Variants in XRCC5 observed in about 807,000 individuals in gnomAD.
XRCC5 encodes X-ray repair cross complementing 5, also known as DNA repair protein Ku80.
A neutral mutation model predicts 95.7 loss-of-function variants in XRCC5; 12 were observed. That is an observed-to-expected ratio of 0.13 (90% CI 0.08 to 0.20). The LOEUF (loss-of-function observed/expected upper bound fraction) is 0.20. Ranked by LOEUF, XRCC5 falls within the 10% of genes least tolerant of loss-of-function variation. The pLI, the probability that XRCC5 is intolerant of heterozygous loss-of-function variation, is 1.00. For missense variants in XRCC5, 595 were observed against 873.9 expected, an observed-to-expected ratio of 0.68 and a Z score of 4.02; for synonymous variants, 281 against 290.3, an observed-to-expected ratio of 0.97 and a Z score of 0.33.
At position 216,161,972 on chromosome 2, in the gene XRCC5, A is replaced by C. The variant is rs543422874; in HGVS notation, c.1765-7A>C. ...CTGTAGGTTTATCATCTGTTGGTAT[A>C]TTTTAGGTTGGAAGTGTGAATCCTG... On this transcript the variant is annotated splice_region_variant and splice_polypyrimidine_tract_variant and intron_variant, in intron 15 of 20. Transcript: ENST00000392132. 1 of 1,613,656 alleles carries C rather than the reference A, an allele frequency of 6.2e-7. No individual in the cohort carries two copies. The highest frequency in any genetic ancestry group is 1.1e-5 in the South Asian group (1 of 91,072).
At chr2:216,181,562 C>G (rs967459414) in intron 16 of XRCC5, among the ~76,000 whole-genome samples, 4 of 152,130 alleles carry the variant, frequency 2.6e-5, no homozygotes, top group African/African-American at 9.7e-5. Flanking sequence ...TTATCTTTAC[C>G]CCCAAATCCT....
chr2:216,202,499 G>C (rs1445919585), intron 19 of XRCC5, among the ~76,000 whole-genome samples: 1 of 152,162 alleles, frequency 6.6e-6, no homozygotes, highest in African/African-American at 2.4e-5. Flanking sequence ...TTGGCTGTCA[G>C]ATATCTTTAT....
chr2:216,190,120 A>G (rs1559262154), intron 16 of XRCC5, 105 bp from the exon 17 acceptor site: 1 of 846,600 alleles, frequency 1.2e-6, no homozygotes, highest in Non-Finnish European at 1.8e-6. Context: ...CTTGCTGACC[A>G]TGAGGCTTGT....
intron 16 of XRCC5, among the ~76,000 whole-genome samples, chr2:216,181,536 A>G (rs992985755): frequency 6.6e-6 from 1 of 152,138 alleles, no homozygotes; most frequent in Non-Finnish European, 1.5e-5. Context: ...TAACTCTTTT[A>G]AAAAAATGGC....
intron 15 of XRCC5, among the ~76,000 whole-genome samples, chr2:216,160,605 C>A (rs1238310686): frequency 1.3e-5 from 2 of 151,876 alleles, no homozygotes; most frequent in Non-Finnish European, 2.9e-5. Flanking sequence ...AAGAATGTAT[C>A]CTTTGATACA....
intron 14 of XRCC5, among the ~76,000 whole-genome samples, chr2:216,152,775 A>G (rs1688769211): frequency 6.6e-6 from 1 of 151,406 alleles, no homozygotes; most frequent in Non-Finnish European, 1.5e-5. Context: ...TCCCAACTTG[A>G]GGATCCTCAG....
intron 16 of XRCC5, among the ~76,000 whole-genome samples, chr2:216,179,901 C>T (rs761029307): frequency 2.0e-5 from 3 of 152,264 alleles, no homozygotes; most frequent in Non-Finnish European, 2.9e-5. Flanking sequence ...TAGAAGGCTT[C>T]GGCGTTAATC....
chr2:216,185,371 C>T lies in XRCC5; in HGVS notation c.1835-4854C>T, dbSNP rs1409852620. ...ATAGTAAAGAGGCATAAAGAAAGCC[C>T]GCTTTTGATACGTTTCTTAAATTGC... On this transcript the variant is annotated intron_variant, in intron 16 of 20. Coordinates refer to ENST00000392132, the MANE Select transcript of XRCC5 (RefSeq NM_021141.4). 2.0e-5 allele frequency among the ~76,000 whole-genome samples: 3 copies of T among 152,146 alleles called. No homozygotes were observed. The South Asian group carries it at 6.2e-4, about 32-fold the overall frequency.
chr2:216,202,444 T>C lies in XRCC5; in HGVS notation c.2110-1878T>C, dbSNP rs369132078. Among the ~76,000 whole-genome samples, 306 of 152,284 alleles carry C rather than the reference T, an allele frequency of 2.0e-3. 16 individuals are homozygous for C. The South Asian group carries it at 0.059, about 29-fold the overall frequency. ...AGTTTATTTAACCTTTACAGATAAA[T>C]CATATGCTAGTAAATGTATAGATTT... On this transcript the variant is annotated intron_variant, in intron 19 of 20. Transcript: ENST00000392132.
chr2:216,153,328 TC>T (rs1688780261), intron 14 of XRCC5, among the ~76,000 whole-genome samples: 1 of 152,220 alleles, frequency 6.6e-6, no homozygotes, highest in South Asian at 2.1e-4. Flanking sequence ...CTTTGGCAGC[TC>T]CCTCTCAGAT....
intron 19 of XRCC5, among the ~76,000 whole-genome samples, chr2:216,202,265 A>G (rs1029761356): frequency 6.6e-6 from 1 of 152,204 alleles, no homozygotes; most frequent in Admixed American, 6.5e-5. Flanking sequence ...CCCCAACTGG[A>G]TAAGTCTTAT....
chr2:216,183,118 A>G (rs1689418936), intron 16 of XRCC5, among the ~76,000 whole-genome samples: 1 of 152,242 alleles, frequency 6.6e-6, no homozygotes, highest in South Asian at 2.1e-4. Context: ...GTTAGCTCCC[A>G]CTACCATATT....
intron 15 of XRCC5, among the ~76,000 whole-genome samples, chr2:216,161,282 A>C (rs556346250): frequency 6.6e-6 from 1 of 152,130 alleles, no homozygotes; most frequent in South Asian, 2.1e-4. Flanking sequence ...TTGGAACCCC[A>C]TTGTTTTCTT....
chr2:216,148,362 G>T, intron 14 of XRCC5, 86 bp downstream of exon 14: 1 of 1,268,674 alleles, frequency 7.9e-7, no homozygotes, highest in Admixed American at 2.7e-5. Flanking sequence ...GTCACATAGG[G>T]GTCTATGGAA....
In XRCC5 at chr2:216,126,378, A is replaced by G. The variant is rs538912511; in HGVS notation, c.798+347A>G. On this transcript the variant is annotated intron_variant, in intron 7 of 20. Coordinates refer to ENST00000392132, the MANE Select transcript of XRCC5 (RefSeq NM_021141.4). The stretch of plus-strand genomic sequence containing the variant: ...GTAGTATCATAGCAGAAATGTAGAT[A>G]ATGCACCAAAGTTAAGTTCAGTTTT... Among the ~76,000 whole-genome samples the G allele has an allele frequency of 3.3e-5, 5 of 152,350 alleles. No individual in the cohort carries two copies. The South Asian group carries it at 8.3e-4, about 25-fold the overall frequency.
intron 10 of XRCC5, among the ~76,000 whole-genome samples, chr2:216,135,177 G>A (rs1276172080): frequency 3.9e-5 from 6 of 152,122 alleles, no homozygotes; most frequent in East Asian, 1.9e-4. Flanking sequence ...AAGGTTAACC[G>A]TGATAGTGAG....
At chr2:216,172,187 G>A (rs981758325) in intron 16 of XRCC5, among the ~76,000 whole-genome samples, 6 of 152,146 alleles carry the variant, frequency 3.9e-5, no homozygotes, top group African/African-American at 1.4e-4. Context: ...ACCCGGTGGT[G>A]GAACATTCTA....
chr2:216,132,671 C>T (rs1454469532), intron 10 of XRCC5, among the ~76,000 whole-genome samples: 4 of 152,122 alleles, frequency 2.6e-5, no homozygotes, highest in African/African-American at 9.7e-5. Context: ...GGGTTGGGGT[C>T]AGGTTGACAT....
chr2:216,175,529 A>T, intron 16 of XRCC5: 1 of 440,008 alleles, frequency 2.3e-6, no homozygotes, highest in Non-Finnish European at 4.4e-6. Flanking sequence ...CAAAAGTTAA[A>T]AGTGCACATT....
Sources: allele counts gnomAD v4.1 joint callset (sites outside exome capture counted in the v4.1 genomes callset), GRCh38; gene constraint gnomAD v4.1.1; transcripts MANE v1.5; gene names NCBI Gene and HGNC (gene_info 2026-07-23, HGNC 2026-07-21).